Variants in TTC19 observed in about 807,000 individuals in gnomAD.
TTC19 encodes tetratricopeptide repeat domain 19.
A neutral mutation model predicts 49.5 loss-of-function variants in TTC19; 38 were observed. That is an observed-to-expected ratio of 0.77 (90% confidence interval 0.59 to 1.01). The LOEUF (loss-of-function observed/expected upper bound fraction) is 1.01, where lower values mean the gene tolerates loss of function less well. Among genes scored for constraint, TTC19 ranks in the 50% least tolerant of loss-of-function variants. The pLI, the probability that TTC19 is intolerant of heterozygous loss-of-function variation, is 0.00. For missense variants in TTC19, 475 were observed against 477.7 expected (o/e 0.99, Z 0.05); for synonymous variants, 204 against 185.2 (o/e 1.10, Z -0.83).
At chr17:16,004,839 G>C (rs994682155) in intron 6 of TTC19, among the ~76,000 whole-genome samples, 1 of 152,210 alleles carries the variant, frequency 6.6e-6, no homozygotes. Context: ...CCCTGGCACT[G>C]TTCCCTACTG....
intron 7 of TTC19, among the ~76,000 whole-genome samples, chr17:16,016,244 T>C (rs1379284114): frequency 6.6e-6 from 1 of 152,218 alleles, no homozygotes; most frequent in Non-Finnish European, 1.5e-5. Flanking sequence ...GGGGGGGATT[T>C]CTTCTTTGAC....
Position 16,025,233 on chromosome 17 carries a change from A to T in TTC19, c.831+62A>T. 1.9e-6 allele frequency: 3 copies of T among 1,538,836 alleles called. No homozygotes were observed. The South Asian group carries it at 3.5e-5, about 18-fold the overall frequency. On this transcript the variant is annotated intron_variant, in intron 8 of 9. Transcript: ENST00000261647. Reference sequence around the variant, plus strand: ...AAAGGCTTCAAAATTGAAGGGTGTGAAATGTCACACTCATTGGTAACAGGA... The same window carrying T: ...AAAGGCTTCAAAATTGAAGGGTGTGTAATGTCACACTCATTGGTAACAGGA...
intron 7 of TTC19, among the ~76,000 whole-genome samples, chr17:16,022,983 TCTAA>T (rs71353765): frequency 0.012 from 1,804 of 152,292 alleles, 6 homozygotes; most frequent in Non-Finnish European, 0.014. Flanking sequence ...TTTTTTCTTG[TCTAA>T]CTTTTAGCAA....
In TTC19 at chr17:16,028,509, A is replaced by T. The variant is rs939426958; in HGVS notation, c.*987A>T. On this transcript the variant is annotated 3_prime_UTR_variant, in exon 10 of 10. Transcript: ENST00000261647. ...GTGGGGGAAGGTATTTGGTTAGATG[A>T]CTTTGAATGAATAGACTGCTGTGCT... 4 of 453,924 alleles carry T rather than the reference A, an allele frequency of 8.8e-6. No homozygotes were observed. The highest frequency in any genetic ancestry group is 1.8e-5 in the Non-Finnish European group (4 of 226,778). The allele number at this position is 453,924 out of a possible 1,614,324, so 28.1% of individuals were successfully genotyped here.
chr17:16,012,589 C>G (rs1341166691), intron 7 of TTC19, among the ~76,000 whole-genome samples: 1 of 151,964 alleles, frequency 6.6e-6, no homozygotes, highest in Admixed American at 6.5e-5. Flanking sequence ...TTGTCACTAT[C>G]ATTCAATGGC....
chr17:16,032,042 C>A, downstream of TTC19: 4 of 438,324 alleles, frequency 9.1e-6, no homozygotes, highest in South Asian at 1.4e-4. Context: ...TTTTTAAAAA[C>A]TCTACATCTC....
chr17:16,040,057 T>G, intron 2 of TTC19: 1 of 422,716 alleles, frequency 2.4e-6, no homozygotes, highest in South Asian at 1.8e-5. Flanking sequence ...CCCAAAGTGC[T>G]GGGATTACAG....
At position 16,011,178 on chromosome 17, in the gene TTC19, TTTTTTG is replaced by T. The variant is rs1971057204; in HGVS notation, c.676+4625_676+4630del. Among the ~76,000 whole-genome samples the T allele has an allele frequency of 2.0e-5, 3 of 152,210 alleles. No homozygotes were observed. The South Asian group carries it at 6.2e-4, about 31-fold the overall frequency. On this transcript the variant is annotated intron_variant, in intron 7 of 9. Coordinates refer to ENST00000261647, the MANE Select transcript of TTC19 (RefSeq NM_017775.4). ...ATAGGCATTCAGTCTTCATCTTCTT[TTTTTTG>T]TTTTTGTTTTTGTTGAGACGGAGTC... is the stretch of plus-strand genomic sequence containing the variant.
chr17:16,043,393 T>C (rs1056346636), intron 2 of TTC19, among the ~76,000 whole-genome samples: 1 of 151,916 alleles, frequency 6.6e-6, no homozygotes, highest in Non-Finnish European at 1.5e-5. Flanking sequence ...CCATGAAAAA[T>C]AGTTCTTGCA....
intron 7 of TTC19, chr17:16,023,655 G>A (rs1463427451): frequency 6.6e-6 from 1 of 152,164 alleles, no homozygotes; most frequent in Admixed American, 6.5e-5. Context: ...TGATACAGAC[G>A]ATTCTGGTGT....
intron 2 of TTC19, chr17:16,040,312 T>C: frequency 1.3e-6 from 1 of 798,476 alleles, no homozygotes; most frequent in East Asian, 2.7e-5. Flanking sequence ...CTTCACTAAA[T>C]TATTTATTTA....
At chr17:16,020,428 G>GT (rs1388245490) in intron 7 of TTC19, among the ~76,000 whole-genome samples, 1 of 152,044 alleles carries the variant, frequency 6.6e-6, no homozygotes, top group African/African-American at 2.4e-5. Context: ...TGTGGGTTAC[G>GT]TATCTCTTTG....
rs1049908116 is a variant in TTC19 at position 16,028,588 on chromosome 17, T to C, written c.*1066T>C. ...TATGTAAAGATACATAGGTGGATGCTCTTACTGCAGCAGTCATGAATACAT... is the reference window on the plus strand; with the variant it reads ...TATGTAAAGATACATAGGTGGATGCCCTTACTGCAGCAGTCATGAATACAT... On this transcript the variant is annotated 3_prime_UTR_variant, in exon 10 of 10. Transcript: ENST00000261647. The C allele has an allele frequency of 8.8e-6, 4 of 453,882 alleles. No homozygotes were observed. The Admixed American group carries it at 9.4e-5, about 11-fold the overall frequency. The allele number at this position is 453,882 out of a possible 1,614,324, so 28.1% of individuals were successfully genotyped here. A position where few individuals can be genotyped will look rare whatever the true frequency, so the allele number is the denominator to read the frequency against.
chr17:16,044,625 CCT>C, exon 3 of TTC19: 1 of 612,610 alleles, frequency 1.6e-6, no homozygotes, highest in African/African-American at 1.8e-5. Context: ...CATACCATGT[CCT>C]CTGTCTCCGA....
At chr17:16,039,200 A>G (rs1030453582) in intron 2 of TTC19, 3 of 515,860 alleles carry the variant, frequency 5.8e-6, no homozygotes, top group Non-Finnish European at 1.0e-5. Flanking sequence ...TAAAAAATGG[A>G]CATCCCAGGA....
At chr17:16,014,466 A>C (rs1237689231) in intron 7 of TTC19, among the ~76,000 whole-genome samples, 2 of 152,206 alleles carry the variant, frequency 1.3e-5, no homozygotes, top group East Asian at 3.8e-4. Flanking sequence ...GATGACAGCT[A>C]TTTATTAAAT....
rs1567589435 is a variant in TTC19, at chr17:16,028,147, T to C, written c.*625T>C. 1 of 454,032 alleles carries C rather than the reference T, an allele frequency of 2.2e-6. No individual in the cohort carries two copies. The highest frequency in any genetic ancestry group is 4.4e-6 in the Non-Finnish European group (1 of 226,774). 28.1% of individuals were successfully genotyped at this position (454,032 alleles called of 1,614,324 possible). On this transcript the variant is annotated 3_prime_UTR_variant, in exon 10 of 10. Transcript: ENST00000261647. ...GAATTTAAATAAAAGTGAACCATAT[T>C]TATCTGGTTATATAAAACTAAAAAT...
intron 2 of TTC19, among the ~76,000 whole-genome samples, chr17:16,042,774 T>G (rs536694932): frequency 6.6e-6 from 1 of 152,116 alleles, no homozygotes; most frequent in Non-Finnish European, 1.5e-5. Flanking sequence ...GAGGAACTTT[T>G]TGTATGGGGA....
At chr17:16,008,896 C>T (rs2151655883) in intron 7 of TTC19, among the ~76,000 whole-genome samples, 1 of 152,294 alleles carries the variant, frequency 6.6e-6, no homozygotes, top group East Asian at 1.9e-4. Flanking sequence ...TACTTTTCTT[C>T]ATCACACTTA....
Sources: gnomAD v4.1 joint callset for allele counts (sites outside exome capture counted in the v4.1 genomes callset) on GRCh38, gnomAD v4.1.1 for gene constraint, MANE v1.5 for transcripts, NCBI Gene and HGNC (gene_info 2026-07-23, HGNC 2026-07-21) for gene names.